The following SLC2A9 variants were observed in gnomAD, a reference collection of about 807,000 sequenced individuals.
SLC2A9 encodes the protein solute carrier family 2 member 9, also known as solute carrier family 2, facilitated glucose transporter member 9.
Under a neutral mutation model 50.6 loss-of-function variants are expected in SLC2A9, and 39 were observed. The observed-to-expected ratio is 0.77, with a 90% confidence interval of 0.60 to 1.01. SLC2A9 has a LOEUF of 1.01. Ranked by LOEUF, SLC2A9 falls within the 50% of genes least tolerant of loss-of-function variation. SLC2A9 has a pLI of 0.00. For synonymous variants in SLC2A9, 324 were observed against 276.9 expected (o/e 1.17, Z -1.69); for missense variants, 686 against 677.6 (o/e 1.01, Z -0.14).
chr4:9,976,827 T>G (rs576894746), intron 5 of SLC2A9, among the ~76,000 whole-genome samples: 2 of 152,344 alleles, frequency 1.3e-5, no homozygotes, highest in African/African-American at 4.8e-5. Flanking sequence ...TTCCTTCCAG[T>G]TGCTCTGAGA....
intron 1 of SLC2A9, chr4:10,029,308 C>T (rs1319045850): frequency 6.6e-6 from 1 of 152,196 alleles, no homozygotes; most frequent in African/African-American, 2.4e-5. Flanking sequence ...CACCAAGCAC[C>T]AATCTGCCCT....
At chr4:9,891,375 G>A (rs1296905906) in intron 8 of SLC2A9, among the ~76,000 whole-genome samples, 1 of 152,192 alleles carries the variant, frequency 6.6e-6, no homozygotes, top group Non-Finnish European at 1.5e-5. Flanking sequence ...GTAGCCGAAT[G>A]TCAGAGACAG....
intron 3 of SLC2A9, among the ~76,000 whole-genome samples, chr4:9,993,896 C>G (rs761127567): frequency 6.6e-6 from 1 of 152,220 alleles, no homozygotes; most frequent in South Asian, 2.1e-4. Context: ...AAATCACAAA[C>G]GAGCTCAACA....
At chr4:9,832,063 T>C (rs532882873) in intron 11 of SLC2A9, among the ~76,000 whole-genome samples, 1 of 152,336 alleles carries the variant, frequency 6.6e-6, no homozygotes, top group South Asian at 2.1e-4. Flanking sequence ...ATTTCTGTTG[T>C]TGAAGCTCCC....
intron 4 of SLC2A9, among the ~76,000 whole-genome samples, chr4:9,983,094 C>A (rs1430603604): frequency 6.6e-6 from 1 of 152,188 alleles, no homozygotes; most frequent in Non-Finnish European, 1.5e-5. Context: ...TCTCAAACTC[C>A]TGACCTCAGG....
At chr4:9,928,338 A>G (rs1200597584) in intron 6 of SLC2A9, among the ~76,000 whole-genome samples, 2 of 152,258 alleles carry the variant, frequency 1.3e-5, no homozygotes, top group Admixed American at 6.5e-5. Flanking sequence ...AACAGGAGTG[A>G]GAAAGTAGCA....
intron 10 of SLC2A9, among the ~76,000 whole-genome samples, chr4:9,867,604 C>G (rs884572): frequency 2.6e-5 from 4 of 152,304 alleles, no homozygotes; most frequent in Non-Finnish European, 4.4e-5. Flanking sequence ...GCGGCTATTG[C>G]TAAGCCATAA....
chr4:9,962,553 A>G (rs1046109513), intron 5 of SLC2A9, among the ~76,000 whole-genome samples: 1 of 152,110 alleles, frequency 6.6e-6, no homozygotes, highest in South Asian at 2.1e-4. Flanking sequence ...AACAACACAC[A>G]CTGGGGCCTA....
chr4:9,881,687 T>C (rs931907439), intron 10 of SLC2A9, among the ~76,000 whole-genome samples: 2 of 152,194 alleles, frequency 1.3e-5, no homozygotes, highest in African/African-American at 4.8e-5. Flanking sequence ...CTGTGGACAA[T>C]TGAATTGCCT....
chr4:9,987,503 A>G (rs1473103301), intron 3 of SLC2A9, among the ~76,000 whole-genome samples: 1 of 152,152 alleles, frequency 6.6e-6, no homozygotes, highest in African/African-American at 2.4e-5. Context: ...TTTTTTTCCT[A>G]TAGACTCAAT....
chr4:9,958,150 C>G (rs1255441422), intron 5 of SLC2A9, among the ~76,000 whole-genome samples: 1 of 152,170 alleles, frequency 6.6e-6, no homozygotes, highest in Non-Finnish European at 1.5e-5. Context: ...AAATTATATT[C>G]ATACAAGAGT....
rs182179248 is a variant in SLC2A9 at position 9,788,082 on chromosome 4, A to T, written n.386-8017T>A. Among the ~76,000 whole-genome samples, 206 of 152,174 alleles carry T rather than the reference A, an allele frequency of 1.4e-3. 1 individual carries two copies. Among genetic ancestry groups the T allele is most frequent in the African/African-American group, 2.7e-3 (113 of 41,528 alleles). ...ACTGTGGTTGTCAAATAGTGTTTTT[A>T]AAAAAAATTCCATAATCTTTCTAAA... On this transcript the variant is annotated intron_variant and non_coding_transcript_variant, in intron 3 of 3. Transcript: ENST00000503803.
intron 3 of SLC2A9, among the ~76,000 whole-genome samples, chr4:9,802,559 CTT>C (rs1238703528): frequency 0.23 from 28,812 of 126,180 alleles, 3,055 homozygotes; most frequent in East Asian, 0.37. Context: ...TTGTTCTTTT[CTT>C]TTTTTTTTTT....
chr4:9,856,621 C>G (rs956135699), intron 10 of SLC2A9, among the ~76,000 whole-genome samples: 6 of 152,142 alleles, frequency 3.9e-5, no homozygotes, highest in African/African-American at 7.2e-5. Context: ...GGTACACACT[C>G]AAAGGAATAT....
chr4:9,848,236 G>C (rs996407308), intron 10 of SLC2A9, among the ~76,000 whole-genome samples: 1 of 152,116 alleles, frequency 6.6e-6, no homozygotes, highest in African/African-American at 2.4e-5. Flanking sequence ...ACATGAGCTT[G>C]GCTCCCAGTA....
At chr4:9,918,252 T>A (rs1444581617) in intron 7 of SLC2A9, among the ~76,000 whole-genome samples, 2 of 151,822 alleles carry the variant, frequency 1.3e-5, no homozygotes, top group Admixed American at 6.6e-5. Context: ...AAGTTTTGGA[T>A]CCCAGGGGTG....
rs745845092 is a variant in SLC2A9, at chr4:9,834,887, G to T, written c.1413C>A (p.Phe471Leu). Reference sequence around the variant, plus strand: ...GACTCCTTGTCAGTCATACCTGAATGAATGGGAAGAGGAGCCCAACAGCAA... The same window carrying T: ...GACTCCTTGTCAGTCATACCTGAATTAATGGGAAGAGGAGCCCAACAGCAA... ...SNFAVGLLFPFIQKSLDTYCF... is the reference protein window; with the variant it reads ...SNFAVGLLFPLIQKSLDTYCF... Residue 471 changes from phenylalanine (F) to leucine (L), a missense_variant, in exon 11 of 12, where the codon TTC becomes TTA. Transcript: ENST00000264784. 1.6e-5 allele frequency: 26 copies of T among 1,614,180 alleles called. No homozygotes were observed. The highest frequency in any genetic ancestry group is 2.2e-5 in the Non-Finnish European group (26 of 1,180,030).
rs146225768 is a variant in SLC2A9 at position 9,876,413 on chromosome 4, C to T, written c.1291+11154G>A. On this transcript the variant is annotated intron_variant, in intron 10 of 11. Coordinates refer to ENST00000264784, the MANE Select transcript of SLC2A9 (RefSeq NM_020041.3). The stretch of plus-strand genomic sequence containing the variant: ...TTCCAGACCAGGTTGGGAAACATAG[C>T]AAGACTCTATCCCCACAAAAAAATT... 2.8e-3 allele frequency among the ~76,000 whole-genome samples: 428 copies of T among 152,168 alleles called. 6 individuals carry two copies. The highest frequency in any genetic ancestry group is 0.01 in the African/African-American group (420 of 41,528).
chr4:9,913,330 T>TGTGAGAGA (rs1491090035), intron 7 of SLC2A9, among the ~76,000 whole-genome samples: 3 of 88,730 alleles, frequency 3.4e-5, no homozygotes, highest in East Asian at 2.2e-4. Flanking sequence ...TGTGTGTGTG[T>TGTGAGAGA]GAGAGAGAGA....
Sources: gnomAD v4.1 joint callset for allele counts (sites outside exome capture counted in the v4.1 genomes callset) on GRCh38, gnomAD v4.1.1 for gene constraint, MANE v1.5 for transcripts, NCBI Gene and HGNC (gene_info 2026-07-23, HGNC 2026-07-21) for gene names.